The following HDAC7 variants were observed in gnomAD, a reference collection of about 807,000 sequenced individuals.
HDAC7 encodes the protein histone deacetylase 7A.
Under a neutral mutation model 115.5 loss-of-function variants are expected in HDAC7, and 26 were observed. That is an observed-to-expected ratio of 0.23 (90% CI 0.16 to 0.31). The LOEUF (loss-of-function observed/expected upper bound fraction) is 0.31. HDAC7 is among the 10% of genes least tolerant of loss of function. The pLI, the probability that HDAC7 is intolerant of heterozygous loss-of-function variation, is 1.00. For synonymous variants in HDAC7, 564 were observed against 550.9 expected, an observed-to-expected ratio of 1.02 and a Z score of -0.33; for missense variants, 1,068 against 1,329.0, an observed-to-expected ratio of 0.80 and a Z score of 3.05.
chr12:47,807,650 TCA>T (rs1281565200), intron 1 of HDAC7, among the ~76,000 whole-genome samples: 2 of 151,122 alleles, frequency 1.3e-5, no homozygotes, highest in South Asian at 2.1e-4. Context: ...AAAAAAAAAA[TCA>T]CACAGCCCCA....
In HDAC7 at chr12:47,788,112, A is replaced by G. The variant is rs112225910; in HGVS notation, c.2288T>C (p.Val763Ala). The G allele has an allele frequency of 6.2e-7, 1 of 1,613,734 alleles. No individual in the cohort carries two copies. The highest frequency in any genetic ancestry group is 8.5e-7 in the Non-Finnish European group (1 of 1,179,768). ...ATGGCGATGCAGGGAGATGTAGAGC[A>G]CACTGGGGTCTTGGTAGAAGGTTTG... ...TQQTFYQDPS[V>A]LYISLHRHDD... Residue 763 changes from valine (V) to alanine (A), a missense_variant, in exon 20 of 26, where the codon GTG (valine) becomes GCG (alanine). By Grantham distance (64) the Val-to-Ala change is moderately conservative. Around this residue, in one of 6 missense-constraint regions of HDAC7, gnomAD observed 182 missense variants for 301.1 expected, o/e 0.60. Coordinates refer to ENST00000080059, the MANE Select transcript of HDAC7 (RefSeq NM_015401.5).
At chr12:47,810,238 G>A (rs1337543862) in intron 1 of HDAC7, among the ~76,000 whole-genome samples, 3 of 152,210 alleles carry the variant, frequency 2.0e-5, no homozygotes, top group Admixed American at 6.5e-5. Context: ...GAACCACTGC[G>A]CCCGGCCTAT....
Position 47,783,757 on chromosome 12 carries a change from G to T in HDAC7, c.*84C>A. 7.3e-7 allele frequency: 1 copy of T among 1,373,822 alleles called. No individual in the cohort carries two copies. The highest frequency in any genetic ancestry group is 1.2e-5 in the South Asian group (1 of 81,786). 85.1% of individuals were successfully genotyped at this position (1,373,822 alleles called of 1,614,324 possible). On this transcript the variant is annotated 3_prime_UTR_variant, in exon 26 of 26. Transcript: ENST00000080059. Reference sequence around the variant, plus strand: ...ACTACTTGCCCACAGGATCTCTAAAGACCCAGGAATGGGGGCTATTGCCAG... The same window carrying T: ...ACTACTTGCCCACAGGATCTCTAAATACCCAGGAATGGGGGCTATTGCCAG...
chr12:47,791,723 A>G lies in HDAC7; in HGVS notation c.1813-17T>C, dbSNP rs1206822385. On this transcript the variant is annotated splice_polypyrimidine_tract_variant and intron_variant, in intron 14 of 25. Transcript: ENST00000080059. ...TCGGAGACACTGAAAAGGGGACCAC[A>G]GAGCTCTGAGCTCATGCTCGCCCCT... 1 of 1,612,948 alleles carries G rather than the reference A, an allele frequency of 6.2e-7. No individual in the cohort carries two copies.
Position 47,793,346 on chromosome 12 carries a change from C to T in HDAC7, c.1678+23G>A, listed in dbSNP as rs745798555. ...GTGCAGCCGAGCCCCTCCCTCCACC[C>T]GCCACCCTCCTCCCGGTCTCACCTG... On this transcript the variant is annotated intron_variant, in intron 13 of 25. Coordinates refer to ENST00000080059, the MANE Select transcript of HDAC7 (RefSeq NM_015401.5). This position sits in a 1 kb window ranked among gnomAD's most constrained non-coding sequence, Gnocchi z 4.5. The T allele has an allele frequency of 6.2e-6, 9 of 1,444,258 alleles. No individual in the cohort carries two copies. Among genetic ancestry groups the T allele is most frequent in the South Asian group, 2.7e-5 (2 of 75,448 alleles). 89.5% of individuals were successfully genotyped at this position (1,444,258 alleles called of 1,614,324 possible).
rs201735304 is a variant in HDAC7 at position 47,795,573 on chromosome 12, A to G, written c.1087+14T>C. On this transcript the variant is annotated intron_variant, in intron 10 of 25. Transcript: ENST00000080059. This position sits in a 1 kb window ranked among gnomAD's most constrained non-coding sequence, Gnocchi z 4.3. ...AGGGACCCAGCCCCTTCCCTGAAGA[A>G]GCAGCAGACTCACCAGTCAGCAGCG... is the stretch of plus-strand genomic sequence containing the variant. 5.7e-5 allele frequency: 88 copies of G among 1,555,088 alleles called. No homozygotes were observed. In the African/African-American group the frequency reaches 9.5e-4, roughly 17 times the overall value.
At chr12:47,805,790 G>A (rs550601700) in intron 1 of HDAC7, among the ~76,000 whole-genome samples, 1 of 152,260 alleles carries the variant, frequency 6.6e-6, no homozygotes, top group African/African-American at 2.4e-5. Context: ...CCAGCCAGTG[G>A]TCCAGCCAGG....
chr12:47,797,508 C>G lies in HDAC7; in HGVS notation c.462-9G>C. The G allele has an allele frequency of 6.2e-7, 1 of 1,600,242 alleles. No homozygotes were observed. Among genetic ancestry groups the G allele is most frequent in the Non-Finnish European group, 8.5e-7 (1 of 1,171,166 alleles). On this transcript the variant is annotated splice_polypyrimidine_tract_variant and intron_variant, in intron 5 of 25. Transcript: ENST00000080059. This position sits in a 1 kb window ranked among gnomAD's most constrained non-coding sequence, Gnocchi z 5.5. Reference sequence around the variant, plus strand: ...CCAGGGGCTCCAGGGTTCTACAGAACGAGTGCCAAGGCTGCTTCAGAGGTG... The same window carrying G: ...CCAGGGGCTCCAGGGTTCTACAGAAGGAGTGCCAAGGCTGCTTCAGAGGTG...
intron 1 of HDAC7, among the ~76,000 whole-genome samples, chr12:47,807,672 G>A (rs7300086): frequency 0.12 from 18,008 of 152,048 alleles, 1,188 homozygotes; most frequent in Middle Eastern, 0.16. Context: ...ACAGAGACCC[G>A]TGCCAGCAGC....
chr12:47,783,778 G>C lies in HDAC7; in HGVS notation c.*63C>G. On this transcript the variant is annotated 3_prime_UTR_variant, in exon 26 of 26. Coordinates refer to ENST00000080059, the MANE Select transcript of HDAC7 (RefSeq NM_015401.5). ...TAAAGACCCAGGAATGGGGGCTATT[G>C]CCAGGGGTTAGAAGAGAACCAGGTC... 6.5e-7 allele frequency: 1 copy of C among 1,536,236 alleles called. No homozygotes were observed. The highest frequency in any genetic ancestry group is 8.9e-7 in the Non-Finnish European group (1 of 1,120,234).
chr12:47,784,628 T>G (rs1008630939), intron 24 of HDAC7: 16 of 1,256,264 alleles, frequency 1.3e-5, no homozygotes, highest in Non-Finnish European at 1.5e-5. Flanking sequence ...CCCCCACCAG[T>G]GCTCAGCCCA....
At chr12:47,791,084 C>T (rs1479341454) in intron 16 of HDAC7, 175 bp downstream of exon 16, 3 of 665,212 alleles carry the variant, frequency 4.5e-6, no homozygotes, top group Admixed American at 2.4e-5. Flanking sequence ...GTCCGAGACA[C>T]GCCTGTCCAA....
chr12:47,795,424 GC>G lies in HDAC7; in HGVS notation c.1088-45del. 6.6e-7 allele frequency: 1 copy of G among 1,518,162 alleles called. No homozygotes were observed. The highest frequency in any genetic ancestry group is 2.0e-5 in the Admixed American group (1 of 51,228). The allele number at this position is 1,518,162 out of a possible 1,614,324, so 94.0% of individuals were successfully genotyped here. ...TGGAATAAGGAGGGAACCACAGGGA[GC>G]AATGGAAGGAAGCGAGGGTATAGGG... On this transcript the variant is annotated intron_variant, in intron 10 of 25. Transcript: ENST00000080059. This position sits in a 1 kb window ranked among gnomAD's most constrained non-coding sequence, Gnocchi z 4.3.
chr12:47,801,141 C>T (rs889861971), intron 2 of HDAC7, among the ~76,000 whole-genome samples: 3 of 152,238 alleles, frequency 2.0e-5, no homozygotes, highest in East Asian at 1.9e-4. Flanking sequence ...ACCCAGCCAG[C>T]GCCTAGCATC....
chr12:47,797,408 C>T lies in HDAC7; in HGVS notation c.553G>A (p.Glu185Lys), dbSNP rs1382226127. ...CCTGTCTTGCGCAGAGGGAAGTGCT[C>T]TGGGGGGTCACTGGGCAGGCTGGGA... ...PVPSLPSDPPEHFPLRKTVSE... is the reference protein window; with the variant it reads ...PVPSLPSDPPKHFPLRKTVSE... The change falls in exon 6 of 26, where the codon GAG becomes AAG. Residue 185 changes from glutamate (E) to lysine (K), a missense_variant. This residue lies in a region of HDAC7 where 618 missense variants were observed against 701.5 expected (regional missense o/e 0.88). Coordinates refer to ENST00000080059, the MANE Select transcript of HDAC7 (RefSeq NM_015401.5). This position sits in a 1 kb window ranked among gnomAD's most constrained non-coding sequence, Gnocchi z 5.5. 1.2e-6 allele frequency: 2 copies of T among 1,614,116 alleles called. No homozygotes were observed. Among genetic ancestry groups the T allele is most frequent in the Non-Finnish European group, 1.7e-6 (2 of 1,180,004 alleles).
rs1039690673 is a variant in HDAC7, at chr12:47,795,748, G to T, written c.926C>A (p.Thr309Asn). ...CCCCCGAGGGCCCAGAGTCGGATGG[G>T]TCCTGCGGTCACTGTCAGCCTGGGG... ...APARADSDRR[T>N]HPTLGPRGPI... Residue 309 changes from threonine to asparagine, a missense_variant, in exon 10 of 26, where the codon ACC becomes AAC. By Grantham distance (65) the Thr-to-Asn change is moderately conservative. Coordinates refer to ENST00000080059, the MANE Select transcript of HDAC7 (RefSeq NM_015401.5). This position sits in a 1 kb window ranked among gnomAD's most constrained non-coding sequence, Gnocchi z 4.3. 26 of 1,537,700 alleles carry T rather than the reference G, an allele frequency of 1.7e-5. No individual in the cohort carries two copies. Among genetic ancestry groups the T allele is most frequent in the Middle Eastern group, 1.7e-4 (1 of 5,912 alleles).
intron 16 of HDAC7, 195 bp downstream of exon 16, chr12:47,791,064 G>T (rs911754442): frequency 1.6e-6 from 1 of 623,700 alleles, no homozygotes; most frequent in Non-Finnish European, 2.9e-6. Flanking sequence ...GCATTCGGGG[G>T]AGACTGTGGG....
Position 47,797,496 on chromosome 12 carries a change from G to C in HDAC7, c.465C>G (p.Thr155=), listed in dbSNP as rs1943921894. The change falls in exon 6 of 26, where the codon ACC becomes ACG. Residue 155 remains threonine, a synonymous_variant. Coordinates refer to ENST00000080059, the MANE Select transcript of HDAC7 (RefSeq NM_015401.5). This position sits in a 1 kb window ranked among gnomAD's most constrained non-coding sequence, Gnocchi z 5.5. ...HPNSPGIPYR[T]LEPLETEGAT... is the part of the protein sequence containing the mutation. ...CTCCTTCCGTCTCCAGGGGCTCCAG[G>C]GTTCTACAGAACGAGTGCCAAGGCT... 3 of 1,609,488 alleles carry C rather than the reference G, an allele frequency of 1.9e-6. No homozygotes were observed. Among genetic ancestry groups the C allele is most frequent in the Non-Finnish European group, 2.5e-6 (3 of 1,177,376 alleles).
chr12:47,810,964 C>T (rs1296718414), intron 1 of HDAC7, among the ~76,000 whole-genome samples: 4 of 152,166 alleles, frequency 2.6e-5, no homozygotes, highest in Admixed American at 6.5e-5. Flanking sequence ...GGACTAGGAA[C>T]ACAGCCGCAC....
Sources: allele counts gnomAD v4.1 joint callset (sites outside exome capture counted in the v4.1 genomes callset), GRCh38; gene constraint gnomAD v4.1.1; regional missense constraint gnomAD v4.1.1; non-coding constraint Gnocchi (gnomAD v3.1); transcripts MANE v1.5; gene names NCBI Gene and HGNC (gene_info 2026-07-23, HGNC 2026-07-21).